Variants in MASP2 observed in about 807,000 individuals in gnomAD.
MASP2 encodes the protein mannan-binding lectin serine protease 2.
Under a neutral mutation model 57.1 loss-of-function variants are expected in MASP2, and 49 were observed. That is an observed-to-expected ratio of 0.86 (90% CI 0.68 to 1.09). The LOEUF (loss-of-function observed/expected upper bound fraction) is 1.09. Among genes scored for constraint, MASP2 ranks in the 50% least tolerant of loss-of-function variants. The probability of loss-of-function intolerance (pLI) is 0.00; values close to 1 mark genes in which losing one functional copy is unlikely to be tolerated. For synonymous variants in MASP2, 379 were observed against 340.8 expected (o/e 1.11, Z -1.24); for missense variants, 900 against 874.8 (o/e 1.03, Z -0.36).
intron 6 of MASP2, among the ~76,000 whole-genome samples, chr1:11,038,253 T>G (rs1186798693): frequency 1.3e-5 from 2 of 152,300 alleles, no homozygotes; most frequent in East Asian, 3.9e-4. Flanking sequence ...AGTCTCAGTT[T>G]CTTCATCTGC....
intron 6 of MASP2, among the ~76,000 whole-genome samples, chr1:11,041,736 T>TA (rs112772239): frequency 0.29 from 551 of 1,898 alleles, 226 homozygotes; most frequent in Non-Finnish European, 0.31. Context: ...GATGGATGGG[T>TA]GAAGAATGGG....
intron 9 of MASP2, 70 bp from the exon 10 acceptor site, chr1:11,030,320 C>T: frequency 9.2e-7 from 1 of 1,085,928 alleles, no homozygotes; most frequent in Non-Finnish European, 1.4e-6. Flanking sequence ...CTTGAATACC[C>T]CCTTGAAAAA....
At chr1:11,034,989 TA>T in intron 7 of MASP2, 83 bp from the exon 8 acceptor site, 1 of 884,984 alleles carries the variant, frequency 1.1e-6, no homozygotes, top group Non-Finnish European at 1.7e-6. Context: ...CAGCAGTTCC[TA>T]TTCTAGTGTT....
At chr1:11,039,775 G>A (rs1316703829) in intron 6 of MASP2, among the ~76,000 whole-genome samples, 2 of 151,444 alleles carry the variant, frequency 1.3e-5, no homozygotes, top group Non-Finnish European at 2.9e-5. Context: ...TGGGTAGAAG[G>A]TCGGGTGGAT....
At chr1:11,030,089 C>T (rs1210543436) in intron 10 of MASP2, 87 bp downstream of exon 10, 1 of 919,712 alleles carries the variant, frequency 1.1e-6, no homozygotes, top group Non-Finnish European at 1.7e-6. Context: ...ACATTTCTGC[C>T]TACCACAGCT....
At chr1:11,043,645 G>A in intron 4 of MASP2, 110 bp from the exon 5 acceptor site, 1 of 754,148 alleles carries the variant, frequency 1.3e-6, no homozygotes, top group Non-Finnish European at 2.1e-6. Context: ...GGATGTGGCT[G>A]GGACATCTGC....
rs1638290665 is a variant in MASP2, at chr1:11,037,711, A to G, written c.990T>C (p.Thr330=). Residue 330 remains threonine, a synonymous_variant, in exon 7 of 11, where the codon ACT becomes ACC. Transcript: ENST00000400897. The part of the protein sequence containing the change: ...LKDSFSIFCE[T]GYELLQGHLP... Reference sequence around the variant, plus strand: ...AACTCACTTGCAGAAGCTCATAGCCAGTCTCGCAAAAGATGGAGAAGCTGT... The same window carrying G: ...AACTCACTTGCAGAAGCTCATAGCCGGTCTCGCAAAAGATGGAGAAGCTGT... The G allele has an allele frequency of 6.2e-7, 1 of 1,610,996 alleles. No homozygotes were observed. The highest frequency in any genetic ancestry group is 8.5e-7 in the Non-Finnish European group (1 of 1,178,788).
chr1:11,030,205 C>A lies in MASP2; in HGVS notation c.1268G>T (p.Gly423Val). The change falls in exon 10 of 11, where the codon GGA becomes GTA. Residue 423 changes from glycine to valine, a missense_variant. By Grantham distance (109) the Gly-to-Val change is moderately radical. Coordinates refer to ENST00000400897, the MANE Select transcript of MASP2 (RefSeq NM_006610.4). ...CTCACAGACTGGGAGTGATTTTTCT[C>A]CTTTGGAGCTCGTCCAGAATCCATC... is the stretch of plus-strand genomic sequence containing the variant. Reference protein sequence around the residue: ...EADGFWTSSKGEKSLPVCEPV... With the variant: ...EADGFWTSSKVEKSLPVCEPV... The A allele has an allele frequency of 6.2e-7, 1 of 1,613,174 alleles. No individual in the cohort carries two copies. The highest frequency in any genetic ancestry group is 8.5e-7 in the Non-Finnish European group (1 of 1,179,690).
At chr1:11,033,694 C>A (rs746452084) in intron 8 of MASP2, among the ~76,000 whole-genome samples, 5 of 151,818 alleles carry the variant, frequency 3.3e-5, no homozygotes, top group Non-Finnish European at 7.4e-5. Context: ...ACTTTGGAAG[C>A]CTGAGGCGGG....
intron 8 of MASP2, among the ~76,000 whole-genome samples, chr1:11,031,172 C>G (rs898953895): frequency 1.3e-5 from 2 of 151,934 alleles, no homozygotes; most frequent in Non-Finnish European, 2.9e-5. Flanking sequence ...GCTGCCTTTC[C>G]TAGAGAAAGG....
intron 4 of MASP2, among the ~76,000 whole-genome samples, chr1:11,043,756 T>C (rs1209581963): frequency 3.3e-5 from 5 of 150,524 alleles, no homozygotes; most frequent in Admixed American, 3.3e-4. Context: ...AGAGAGGGGG[T>C]TTCTCTTGCT....
chr1:11,041,403 A>G (rs200440572), intron 6 of MASP2, among the ~76,000 whole-genome samples: 1,642 of 26,022 alleles, frequency 0.063, 23 homozygotes, highest in African/African-American at 0.17. Flanking sequence ...TGGATGGATG[A>G]GTGGATGGAT....
At chr1:11,030,011 A>G (rs974495007) in intron 10 of MASP2, 165 bp downstream of exon 10, 9 of 561,820 alleles carry the variant, frequency 1.6e-5, no homozygotes, top group Non-Finnish European at 2.5e-5. Flanking sequence ...ACCTCTGTAT[A>G]TGGGAAGGGG....
At chr1:11,029,561 A>G (rs1643804491) in intron 10 of MASP2, 2 of 151,912 alleles carry the variant, frequency 1.3e-5, no homozygotes, top group Non-Finnish European at 2.9e-5. Context: ...ATAGCATTTT[A>G]ACATAGAATA....
In MASP2 at chr1:11,026,748, A is replaced by G; in HGVS notation, c.*137T>C. On this transcript the variant is annotated 3_prime_UTR_variant, in exon 11 of 11. Coordinates refer to ENST00000400897, the MANE Select transcript of MASP2 (RefSeq NM_006610.4). The stretch of plus-strand genomic sequence containing the variant: ...CAAGTGGAGAAATGACAGCAGCCTC[A>G]CCTGGAGTCTGTTTTTTTGGGTGGA... 2 of 624,674 alleles carry G rather than the reference A, an allele frequency of 3.2e-6. No individual in the cohort carries two copies. Among genetic ancestry groups the G allele is most frequent in the Non-Finnish European group, 5.0e-6 (2 of 397,518 alleles). The allele number at this position is 624,674 out of a possible 1,614,324, so 38.7% of individuals were successfully genotyped here.
At chr1:11,035,214 A>G (rs1226190292) in intron 7 of MASP2, among the ~76,000 whole-genome samples, 3 of 151,596 alleles carry the variant, frequency 2.0e-5, no homozygotes, top group Non-Finnish European at 4.4e-5. Context: ...TTTGCTTTTC[A>G]CCCTAATACA....
chr1:11,041,135 A>ATGGAAGGATGTGTTGGT (rs1638417242), intron 6 of MASP2, among the ~76,000 whole-genome samples: 1 of 145,042 alleles, frequency 6.9e-6, no homozygotes. Flanking sequence ...GGATGGATGG[A>ATGGAAGGATGTGTTGGT]AGGATGTGTT....
intron 2 of MASP2, 38 bp from the exon 3 acceptor site, chr1:11,046,771 C>T (rs1638654346): frequency 1.3e-6 from 2 of 1,595,344 alleles, no homozygotes; most frequent in African/African-American, 1.3e-5. Context: ...AAGGCAAGAC[C>T]CAGGCCTGAT....
In MASP2 at chr1:11,034,789, CG is replaced by C. The variant is rs749229745; in HGVS notation, c.1087+38del. ...GCAACAGTAGCAGCAGAGGGAGTTC[CG>C]GGCGGTTATGGGGCCTGTAGTCACC... On this transcript the variant is annotated intron_variant, in intron 8 of 10. Transcript: ENST00000400897. 1.3e-5 allele frequency: 19 copies of C among 1,428,570 alleles called. No homozygotes were observed. In the South Asian group the frequency reaches 2.4e-4, roughly 18 times the overall value. The allele number at this position is 1,428,570 out of a possible 1,614,324, so 88.5% of individuals were successfully genotyped here.
Sources: gnomAD v4.1 joint callset for allele counts (sites outside exome capture counted in the v4.1 genomes callset) on GRCh38, gnomAD v4.1.1 for gene constraint, MANE v1.5 for transcripts, NCBI Gene and HGNC (gene_info 2026-07-23, HGNC 2026-07-21) for gene names.